SAMHD1: variants seen among roughly 807,000 people sequenced by gnomAD.
SAMHD1 encodes SAM and HD domain containing deoxynucleoside triphosphate triphosphohydrolase 1.
In SAMHD1, 54 loss-of-function variants were observed where a neutral mutation model predicts 79.6. The ratio of observed to expected loss-of-function variants is 0.68; its 90% CI spans 0.55 to 0.85. The LOEUF (loss-of-function observed/expected upper bound fraction) is 0.85, where lower values mean the gene tolerates loss of function less well. SAMHD1 is among the 40% of genes least tolerant of loss of function. SAMHD1 has a pLI of 0.00. For missense variants in SAMHD1, 663 were observed against 782.7 expected (o/e 0.85, Z 1.82); for synonymous variants, 260 against 264.1 (o/e 0.98, Z 0.15).
At position 36,894,522 on chromosome 20, in the gene SAMHD1, T is replaced by C. The variant is rs558712948; in HGVS notation, c.1747-1456A>G. Among the ~76,000 whole-genome samples the C allele has an allele frequency of 2.8e-4, 43 of 151,544 alleles. No homozygotes were observed. In the East Asian group the frequency reaches 8.0e-3, roughly 28 times the overall value. On this transcript the variant is annotated intron_variant, in intron 15 of 15. Coordinates refer to ENST00000646673, the MANE Select transcript of SAMHD1 (RefSeq NM_015474.4). ...TGGTTCATGCCTGTAATCCCAACAC[T>C]TTGGGAGGCCAAAGCAGGTGGATCA...
intron 9 of SAMHD1, among the ~76,000 whole-genome samples, chr20:36,915,071 C>T (rs937050575): frequency 2.0e-5 from 3 of 151,882 alleles, no homozygotes; most frequent in African/African-American, 7.3e-5. Context: ...AGGCTGGATG[C>T]AGTGGCTCAC....
intron 9 of SAMHD1, among the ~76,000 whole-genome samples, chr20:36,914,941 G>T (rs776894328): frequency 4.6e-5 from 7 of 151,962 alleles, no homozygotes; most frequent in Non-Finnish European, 1.0e-4. Context: ...GAGCTGGGAA[G>T]GTGGAGGTTG....
intron 2 of SAMHD1, 185 bp downstream of exon 2, chr20:36,946,553 G>C (rs1008689314): frequency 5.8e-5 from 32 of 554,988 alleles, no homozygotes; most frequent in Non-Finnish European, 8.9e-5. Flanking sequence ...TCCAGCCTGG[G>C]TGAACAAGAG....
chr20:36,893,196 G>A (rs1990123191), intron 15 of SAMHD1, 130 bp from the exon 16 acceptor site: 4 of 1,139,360 alleles, frequency 3.5e-6, no homozygotes, highest in Non-Finnish European at 5.1e-6. Flanking sequence ...CCTCAATCCA[G>A]GGAAACTCCA....
Position 36,912,559 on chromosome 20 carries a change from G to A in SAMHD1, c.1063-7C>T. 6.3e-7 allele frequency: 1 copy of A among 1,575,808 alleles called. No homozygotes were observed. Among genetic ancestry groups the A allele is most frequent in the Non-Finnish European group, 8.7e-7 (1 of 1,145,744 alleles). ...CATACAGATTTCCAACTTCCTGCAGGAAAACATGAAGTAAATATTAATAGG... is the reference window on the plus strand; with the variant it reads ...CATACAGATTTCCAACTTCCTGCAGAAAAACATGAAGTAAATATTAATAGG... On this transcript the variant is annotated splice_region_variant and splice_polypyrimidine_tract_variant and intron_variant, in intron 9 of 15. Transcript: ENST00000646673.
In SAMHD1 at chr20:36,946,917, C is replaced by CA. The variant is rs1172718857; in HGVS notation, c.209-114dup. The stretch of plus-strand genomic sequence containing the variant: ...CACATAAGTGAGTACCCACTGCAGG[C>CA]AATGGATTGTGCCAAGTACCACTTT... On this transcript the variant is annotated intron_variant, in intron 1 of 15. Coordinates refer to ENST00000646673, the MANE Select transcript of SAMHD1 (RefSeq NM_015474.4). 6 of 774,520 alleles carry CA rather than the reference C, an allele frequency of 7.7e-6. No individual in the cohort carries two copies. The African/African-American group carries it at 1.0e-4, about 13-fold the overall frequency. 48.0% of individuals were successfully genotyped at this position (774,520 alleles called of 1,614,324 possible).
intron 6 of SAMHD1, among the ~76,000 whole-genome samples, chr20:36,921,861 A>C (rs911910396): frequency 6.6e-6 from 1 of 151,928 alleles, no homozygotes; most frequent in Non-Finnish European, 1.5e-5. Context: ...GATAATTTTT[A>C]TATTTTTAGT....
intron 3 of SAMHD1, chr20:36,940,579 G>C (rs2063636463): frequency 4.5e-6 from 1 of 221,966 alleles, no homozygotes; most frequent in Non-Finnish European, 9.0e-6. Flanking sequence ...TGCACCCATA[G>C]TCCAAGCTAC....
In SAMHD1 at chr20:36,898,504, A is replaced by G; in HGVS notation, c.1544T>C (p.Ile515Thr). The G allele has an allele frequency of 1.9e-6, 3 of 1,614,084 alleles. No homozygotes were observed. The highest frequency in any genetic ancestry group is 1.3e-5 in the African/African-American group (1 of 75,044). The change falls in exon 14 of 16, where the codon ATT (isoleucine) becomes ACT (threonine). Residue 515 changes from isoleucine (I) to threonine (T), a missense_variant. Physicochemically the swap from Ile to Thr is moderately conservative, Grantham distance 89 (BLOSUM62 -1). Coordinates refer to ENST00000646673, the MANE Select transcript of SAMHD1 (RefSeq NM_015474.4). ...CTTACAATAGAAGCTAACATGATCA[A>G]TTGGATTCTTTTCTTGCATTCCATA... is the stretch of plus-strand genomic sequence containing the variant. ...MDYGMQEKNP[I>T]DHVSFYCKTA... is the part of the protein sequence containing the mutation.
rs368963907 is a variant in SAMHD1 at position 36,897,906 on chromosome 20, A to G, written c.1662T>C (p.Cys554=). ...KFAEQLIRVY[C]KKVDRKSLYA... is the part of the protein sequence containing the mutation. Reference sequence around the variant, plus strand: ...ACAAACTCTTTCTGTCCACCTTCTTACAATATACTCGAATCAGCTGCTCTG... The same window carrying G: ...ACAAACTCTTTCTGTCCACCTTCTTGCAATATACTCGAATCAGCTGCTCTG... Residue 554 remains cysteine (C), a synonymous_variant, in exon 15 of 16, where the codon TGT becomes TGC. Transcript: ENST00000646673. 6.2e-7 allele frequency: 1 copy of G among 1,614,122 alleles called. No homozygotes were observed. The highest frequency in any genetic ancestry group is 1.3e-5 in the African/African-American group (1 of 74,952).
intron 13 of SAMHD1, among the ~76,000 whole-genome samples, chr20:36,900,629 C>T (rs988583638): frequency 1.3e-5 from 2 of 150,832 alleles, no homozygotes; most frequent in African/African-American, 2.4e-5. Context: ...TGCAGTGGCT[C>T]GCTCTCGGCT....
chr20:36,916,473 A>T (rs907049948), intron 9 of SAMHD1: 4 of 412,016 alleles, frequency 9.7e-6, no homozygotes, highest in African/African-American at 8.2e-5. Flanking sequence ...TTCAAAAAAA[A>T]AAAATGCAAC....
At chr20:36,948,895 GAA>G in intron 1 of SAMHD1, among the ~76,000 whole-genome samples, 2 of 6,704 alleles carry the variant, frequency 3.0e-4, no homozygotes, top group South Asian at 5.1e-3. Flanking sequence ...AAGAAAAAAA[GAA>G]AAGAAAAGAA....
chr20:36,931,013 A>T (rs2063565104), intron 4 of SAMHD1, 138 bp from the exon 5 acceptor site: 3 of 693,614 alleles, frequency 4.3e-6, no homozygotes, highest in Admixed American at 2.0e-5. Context: ...ATATTTCAGA[A>T]CTAGGCAGGA....
intron 2 of SAMHD1, among the ~76,000 whole-genome samples, chr20:36,942,926 G>A (rs1381539806): frequency 6.6e-6 from 1 of 152,152 alleles, no homozygotes; most frequent in Non-Finnish European, 1.5e-5. Flanking sequence ...AAAGTGCTGG[G>A]ATTAAAGGCC....
chr20:36,926,999 C>A (rs2063540492), intron 6 of SAMHD1, 183 bp downstream of exon 6: 6 of 575,866 alleles, frequency 1.0e-5, no homozygotes, highest in Non-Finnish European at 1.8e-5. Context: ...ACGATAACTT[C>A]CTTACAGACT....
intron 15 of SAMHD1, chr20:36,893,756 A>C: frequency 2.5e-6 from 1 of 396,422 alleles, no homozygotes. Context: ...CCAGGAATAC[A>C]ATGCTGGTGG....
intron 11 of SAMHD1, among the ~76,000 whole-genome samples, chr20:36,907,691 C>T (rs2063413460): frequency 6.6e-6 from 1 of 151,132 alleles, no homozygotes; most frequent in Non-Finnish European, 1.5e-5. Context: ...AGGCGCCAGG[C>T]TGGTCTCGAA....
chr20:36,942,142 G>A (rs778682355), intron 2 of SAMHD1, among the ~76,000 whole-genome samples: 3 of 152,132 alleles, frequency 2.0e-5, no homozygotes, highest in African/African-American at 7.2e-5. Context: ...TCGGCCGGGC[G>A]CAGTGGCTCA....
Sources: gnomAD v4.1 joint callset for allele counts (sites outside exome capture counted in the v4.1 genomes callset) on GRCh38, gnomAD v4.1.1 for gene constraint, MANE v1.5 for transcripts, NCBI Gene and HGNC (gene_info 2026-07-23, HGNC 2026-07-21) for gene names.